Variants in CENPF observed in about 807,000 individuals in gnomAD.
CENPF encodes the protein centromere protein F.
Under a neutral mutation model 307.3 loss-of-function variants are expected in CENPF, and 214 were observed. That is an observed-to-expected ratio of 0.70 (90% CI 0.62 to 0.78). CENPF has a LOEUF of 0.78. Among genes scored for constraint, CENPF ranks in the 30% least tolerant of loss-of-function variants. The pLI, the probability that CENPF is intolerant of heterozygous loss-of-function variation, is 0.00. For synonymous variants in CENPF, 1,259 were observed against 1,270.6 expected, an observed-to-expected ratio of 0.99 and a Z score of 0.19; for missense variants, 3,401 against 3,483.9, an observed-to-expected ratio of 0.98 and a Z score of 0.60.
rs760680526 is a variant in CENPF, at chr1:214,663,831, G to T, written c.*37G>T. On this transcript the variant is annotated 3_prime_UTR_variant, in exon 20 of 20. Transcript: ENST00000366955. ...GTGTCAGTACCCCTGGGAGGTGCCA[G>T]TCATTGAATAGATAAGGCTGTGCCT... 6.5e-7 allele frequency: 1 copy of T among 1,547,138 alleles called. No individual in the cohort carries two copies. The highest frequency in any genetic ancestry group is 1.1e-5 in the South Asian group (1 of 87,984).
intron 3 of CENPF, among the ~76,000 whole-genome samples, chr1:214,618,186 C>T (rs1408642338): frequency 6.6e-6 from 1 of 152,168 alleles, no homozygotes; most frequent in Non-Finnish European, 1.5e-5. Flanking sequence ...ATTCAATCAC[C>T]TCTCACCGGG....
In CENPF at chr1:214,657,487, G is replaced by C. The variant is rs138828644; in HGVS notation, c.8962+78G>C. 33 of 1,113,486 alleles carry C rather than the reference G, an allele frequency of 3.0e-5. No individual in the cohort carries two copies. In the Middle Eastern group the frequency reaches 8.2e-4, roughly 28 times the overall value. 69.0% of individuals were successfully genotyped at this position (1,113,486 alleles called of 1,614,324 possible). On this transcript the variant is annotated intron_variant, in intron 18 of 19. Coordinates refer to ENST00000366955, the MANE Select transcript of CENPF (RefSeq NM_016343.4). ...ATGGTTCACATATAAAAAGACAAAA[G>C]TATTTGCTTTTTTACATTATTGTGC... is the stretch of plus-strand genomic sequence containing the variant.
chr1:214,620,916 C>T lies in CENPF; in HGVS notation c.835C>T (p.Leu279Phe). The change falls in exon 6 of 20, where the codon CTT becomes TTT. Residue 279 changes from leucine to phenylalanine, a missense_variant. Physicochemically the swap from Leu to Phe is conservative, Grantham distance 22. Coordinates refer to ENST00000366955, the MANE Select transcript of CENPF (RefSeq NM_016343.4). ...SFFDNSSSPH[L>F]LDQLKAQNQE... Reference sequence around the variant, plus strand: ...CTTTGACAATTCTAGCAGTCCTCATCTTTTGGATCAATTAAAAGCGCAGAA... The same window carrying T: ...CTTTGACAATTCTAGCAGTCCTCATTTTTTGGATCAATTAAAAGCGCAGAA... The T allele has an allele frequency of 6.2e-7, 1 of 1,611,340 alleles. No individual in the cohort carries two copies. Among genetic ancestry groups the T allele is most frequent in the South Asian group, 1.1e-5 (1 of 90,434 alleles).
In CENPF at chr1:214,657,162, A is replaced by G. The variant is rs1658658551; in HGVS notation, c.8715A>G (p.Pro2905=). The change falls in exon 18 of 20, where the codon CCA becomes CCG. Residue 2905 remains proline, a synonymous_variant. Coordinates refer to ENST00000366955, the MANE Select transcript of CENPF (RefSeq NM_016343.4). The stretch of plus-strand genomic sequence containing the variant: ...CCCGAGGGTCTCCTTTGCTAGGTCC[A>G]GTTGTTCCAGGACCATCTCCAATCC... ...QDSRGSPLLG[P]VVPGPSPIPS... is the part of the protein sequence containing the mutation. 6.2e-7 allele frequency: 1 copy of G among 1,614,174 alleles called. No individual in the cohort carries two copies. Among genetic ancestry groups the G allele is most frequent in the Non-Finnish European group, 8.5e-7 (1 of 1,179,988 alleles).
At chr1:214,634,910 A>T (rs1657914191) in intron 10 of CENPF, among the ~76,000 whole-genome samples, 1 of 152,210 alleles carries the variant, frequency 6.6e-6, no homozygotes. Context: ...GTGTTTAGTA[A>T]ACATGCTGCT....
chr1:214,634,111 C>T lies in CENPF; in HGVS notation c.1446+1509C>T, dbSNP rs547304034. ...ACGAGGTCTGGTCCGTGAGCTGTAG[C>T]GCTGTCCTCAGTTAATCCCAGCCTG... On this transcript the variant is annotated intron_variant, in intron 10 of 19. Transcript: ENST00000366955. Among the ~76,000 whole-genome samples the T allele has an allele frequency of 6.6e-5, 10 of 152,306 alleles. No individual in the cohort carries two copies. The East Asian group carries it at 9.6e-4, about 15-fold the overall frequency.
Position 214,648,682 on chromosome 1 carries a change from A to G in CENPF, c.7838A>G (p.Lys2613Arg), listed in dbSNP as rs760603370. The G allele has an allele frequency of 1.4e-5, 22 of 1,611,894 alleles. No homozygotes were observed. Among genetic ancestry groups the G allele is most frequent in the Non-Finnish European group, 1.6e-5 (19 of 1,179,494 alleles). ...DKMSFVEKVN[K>R]MTAKETELQR... The stretch of plus-strand genomic sequence containing the variant: ...TGAAAGATGAAATTTCAGGTAAACA[A>G]AATGACTGCAAAGGAAACTGAGCTG... The change falls in exon 14 of 20, where the codon AAA (lysine) becomes AGA (arginine). Residue 2613 changes from lysine to arginine, a missense_variant. Coordinates refer to ENST00000366955, the MANE Select transcript of CENPF (RefSeq NM_016343.4).
chr1:214,614,047 C>T lies in CENPF; in HGVS notation c.162+131C>T, dbSNP rs887866040. On this transcript the variant is annotated intron_variant, in intron 2 of 19. Transcript: ENST00000366955. ...TTACATTTAGAGAAAAATGATTTTG[C>T]TGTCTTCAGGTGGTAATTCCTCTCC... 15 of 915,484 alleles carry T rather than the reference C, an allele frequency of 1.6e-5. No homozygotes were observed. The Middle Eastern group carries it at 1.8e-3, about 108-fold the overall frequency. The allele number at this position is 915,484 out of a possible 1,614,324, so 56.7% of individuals were successfully genotyped here.
chr1:214,657,476 A>C, intron 18 of CENPF, 67 bp downstream of exon 18: 1 of 1,166,908 alleles, frequency 8.6e-7, no homozygotes, highest in Non-Finnish European at 1.2e-6. Flanking sequence ...TTCACATATA[A>C]AAAGACAAAA....
At position 214,618,604 on chromosome 1, in the gene CENPF, G is replaced by A. The variant is rs1657421464; in HGVS notation, c.391G>A (p.Ala131Thr). The A allele has an allele frequency of 6.2e-7, 1 of 1,614,056 alleles. No homozygotes were observed. The highest frequency in any genetic ancestry group is 1.1e-5 in the South Asian group (1 of 91,052). ...ATCTGAGCTTGAAAGAAGCCAACAA[G>A]CTGCGCAGTCTGCAGATGTCTCTCT... Reference protein sequence around the residue: ...CKSELERSQQAAQSADVSLNP... With the variant: ...CKSELERSQQTAQSADVSLNP... Residue 131 changes from alanine to threonine, a missense_variant, in exon 4 of 20, where the codon GCT (alanine) becomes ACT (threonine). Physicochemically the swap from Ala to Thr is moderately conservative, Grantham distance 58. Coordinates refer to ENST00000366955, the MANE Select transcript of CENPF (RefSeq NM_016343.4).
intron 1 of CENPF, chr1:214,608,554 C>T (rs1657103851): frequency 3.1e-6 from 5 of 1,610,924 alleles, no homozygotes; most frequent in Non-Finnish European, 3.4e-6. Context: ...GACGCGGTTG[C>T]GGCGGGCGCT....
Position 214,620,804 on chromosome 1 carries a change from C to A in CENPF, c.723C>A (p.Phe241Leu). 6.2e-7 allele frequency: 1 copy of A among 1,614,178 alleles called. No individual in the cohort carries two copies. Among genetic ancestry groups the A allele is most frequent in the East Asian group, 2.2e-5 (1 of 44,882 alleles). ...AAAGAACTCCAATTAGGAGAGATTTCTCTGCATCTTACTTTTCTGGGGAAC... is the reference window on the plus strand; with the variant it reads ...AAAGAACTCCAATTAGGAGAGATTTATCTGCATCTTACTTTTCTGGGGAAC... Reference protein sequence around the residue: ...NSQRTPIRRDFSASYFSGEQE... With the variant: ...NSQRTPIRRDLSASYFSGEQE... Residue 241 changes from phenylalanine (F) to leucine (L), a missense_variant, in exon 6 of 20, where the codon TTC becomes TTA. Transcript: ENST00000366955.
At chr1:214,650,096 G>T (rs1330261664) in intron 14 of CENPF, among the ~76,000 whole-genome samples, 1 of 152,136 alleles carries the variant, frequency 6.6e-6, no homozygotes, top group African/African-American at 2.4e-5. Context: ...GGATATCAGG[G>T]TAGGAAACAA....
At chr1:214,606,507 G>T (rs1001651679) in intron 1 of CENPF, among the ~76,000 whole-genome samples, 1 of 151,832 alleles carries the variant, frequency 6.6e-6, no homozygotes, top group Admixed American at 6.6e-5. Context: ...CCAGGACAGC[G>T]GACACTCTTC....
chr1:214,657,246 A>G lies in CENPF; in HGVS notation c.8799A>G (p.Gln2933=), dbSNP rs1658661897. Residue 2933 remains glutamine (Q), a synonymous_variant, in exon 18 of 20, where the codon CAA becomes CAG. Coordinates refer to ENST00000366955, the MANE Select transcript of CENPF (RefSeq NM_016343.4). ...AAAATAAAGCTTCAGGCAAGAGGCAAAGATCCAGTGGAATATGGGAGAATG... is the reference window on the plus strand; with the variant it reads ...AAAATAAAGCTTCAGGCAAGAGGCAGAGATCCAGTGGAATATGGGAGAATG... ...SGQNKASGKR[Q]RSSGIWENGR... 1.2e-6 allele frequency: 2 copies of G among 1,614,044 alleles called. No homozygotes were observed. Among genetic ancestry groups the G allele is most frequent in the African/African-American group, 2.7e-5 (2 of 74,926 alleles).
chr1:214,650,318 T>G (rs1571723481), intron 14 of CENPF, among the ~76,000 whole-genome samples: 1 of 126,842 alleles, frequency 7.9e-6, no homozygotes, highest in Admixed American at 1.0e-4. Flanking sequence ...AGATGGAAAA[T>G]GACATGCACA....
rs777697398 is a variant in CENPF at position 214,643,087 on chromosome 1, G to T, written c.4749G>T (p.Glu1583Asp). The T allele has an allele frequency of 6.2e-6, 10 of 1,609,066 alleles. No homozygotes were observed. Among genetic ancestry groups the T allele is most frequent in the Non-Finnish European group, 7.6e-6 (9 of 1,178,740 alleles). ...QGIMKNKEIQELEQLLSSERQ... is the reference protein window; with the variant it reads ...QGIMKNKEIQDLEQLLSSERQ... ...TTATGAAAAATAAGGAAATTCAAGAGCTCGAGCAGTTATTAAGTTCTGAAA... is the reference window on the plus strand; with the variant it reads ...TTATGAAAAATAAGGAAATTCAAGATCTCGAGCAGTTATTAAGTTCTGAAA... Residue 1583 changes from glutamate to aspartate, a missense_variant, in exon 12 of 20, where the codon GAG becomes GAT. Transcript: ENST00000366955.
chr1:214,605,277 A>T (rs1397084188), intron 1 of CENPF, among the ~76,000 whole-genome samples: 1 of 152,182 alleles, frequency 6.6e-6, no homozygotes, highest in Non-Finnish European at 1.5e-5. Context: ...AATAGCTAAC[A>T]TATATGGAAA....
In CENPF at chr1:214,605,675, C is replaced by A. The variant is rs1295436018; in HGVS notation, c.-42+2354C>A. The A allele has an allele frequency of 4.9e-5, 77 of 1,583,056 alleles. No homozygotes were observed. The East Asian group carries it at 1.7e-3, about 35-fold the overall frequency. On this transcript the variant is annotated intron_variant, in intron 1 of 19. Transcript: ENST00000366955. ...GAGGTCTGGCCGGTTGGTGCCGCCGCTAGGCGAGCTGGCTGGCAGCTCCTG... is the reference window on the plus strand; with the variant it reads ...GAGGTCTGGCCGGTTGGTGCCGCCGATAGGCGAGCTGGCTGGCAGCTCCTG...
Sources: gnomAD v4.1 joint callset for allele counts (sites outside exome capture counted in the v4.1 genomes callset) on GRCh38, gnomAD v4.1.1 for gene constraint, MANE v1.5 for transcripts, NCBI Gene and HGNC (gene_info 2026-07-23, HGNC 2026-07-21) for gene names.